Variants in MAST4 observed in about 807,000 individuals in gnomAD.
The protein encoded by MAST4 is microtubule-associated serine/threonine-protein kinase 4.
Under a neutral mutation model 162.7 loss-of-function variants are expected in MAST4, and 89 were observed. That is an observed-to-expected ratio of 0.55 (90% CI 0.46 to 0.65). The LOEUF is 0.65. MAST4 is among the 30% of genes least tolerant of loss of function. The probability of loss-of-function intolerance (pLI) is 0.00; values close to 1 mark genes in which losing one functional copy is unlikely to be tolerated. For synonymous variants in MAST4, 1,479 were observed against 1,361.1 expected (o/e 1.09, Z -1.91); for missense variants, 3,153 against 3,374.0 (o/e 0.93, Z 1.62).
Position 66,788,687 on chromosome 5 carries a change from A to C in MAST4, c.535A>C (p.Asn179His). Residue 179 changes from asparagine (N) to histidine (H), a missense_variant, in exon 3 of 29, where the codon AAC becomes CAC. Asn to His is a moderately conservative substitution (Grantham distance 68). Transcript: ENST00000403625. ...GALTGRYLLP[N>H]PVAGQAWPAS... ...TCCAACAGGGAGGTACCTTCTTCCAAACCCGGTGGCGGGACAGGCCTGGCC... is the reference window on the plus strand; with the variant it reads ...TCCAACAGGGAGGTACCTTCTTCCACACCCGGTGGCGGGACAGGCCTGGCC... 2 of 1,611,018 alleles carry C rather than the reference A, an allele frequency of 1.2e-6. No individual in the cohort carries two copies. The highest frequency in any genetic ancestry group is 8.5e-7 in the Non-Finnish European group (1 of 1,179,434).
At chr5:66,613,892 A>G (rs928385241) in intron 1 of MAST4, among the ~76,000 whole-genome samples, 1 of 152,184 alleles carries the variant, frequency 6.6e-6, no homozygotes, top group Non-Finnish European at 1.5e-5. Flanking sequence ...TAGGGGAAAA[A>G]TTCCTTCCTC....
intron 3 of MAST4, among the ~76,000 whole-genome samples, chr5:66,838,350 G>A (rs932413799): frequency 2.0e-5 from 3 of 152,022 alleles, no homozygotes; most frequent in Admixed American, 6.6e-5. Flanking sequence ...TTTTGATGAG[G>A]CAGTCAAGGA....
chr5:66,702,882 G>A (rs1749870824), intron 1 of MAST4, among the ~76,000 whole-genome samples: 1 of 152,180 alleles, frequency 6.6e-6, no homozygotes, highest in Non-Finnish European at 1.5e-5. Flanking sequence ...CACTCTGGCT[G>A]CTGTGTTGAG....
chr5:66,803,145 A>G (rs910357737), intron 3 of MAST4, among the ~76,000 whole-genome samples: 1 of 152,172 alleles, frequency 6.6e-6, no homozygotes, highest in African/African-American at 2.4e-5. Flanking sequence ...CATTGTTGTA[A>G]TAATTGAAGG....
chr5:66,959,501 A>G (rs1428076080), intron 4 of MAST4, among the ~76,000 whole-genome samples: 1 of 152,246 alleles, frequency 6.6e-6, no homozygotes, highest in Admixed American at 6.5e-5. Flanking sequence ...GAGGAAAAGC[A>G]TTGCTGCATA....
Position 66,701,818 on chromosome 5 carries a change from A to ATT in MAST4, c.364-57884_364-57883dup, listed in dbSNP as rs59684943. 4.0e-5 allele frequency among the ~76,000 whole-genome samples: 6 copies of ATT among 151,770 alleles called. 1 individual carries two copies. Among genetic ancestry groups the ATT allele is most frequent in the Admixed American group, 3.9e-4 (6 of 15,254 alleles). On this transcript the variant is annotated intron_variant, in intron 1 of 28. Transcript: ENST00000403625. ...TCATATCAACCTTATAGGTTATAGG[A>ATT]TTTTTTTTAATGAAAATTCCCTATG...
At chr5:67,142,056 C>T in intron 19 of MAST4, 59 bp from the exon 20 acceptor site, 1 of 1,538,654 alleles carries the variant, frequency 6.5e-7, no homozygotes, top group South Asian at 1.2e-5. Context: ...TGATGTTTGC[C>T]TTTGCTTAGT....
At position 67,088,493 on chromosome 5, in the gene MAST4, A is replaced by G. The variant is rs369055024; in HGVS notation, c.764-1669A>G. Among the ~76,000 whole-genome samples the G allele has an allele frequency of 7.0e-4, 106 of 152,362 alleles. No individual in the cohort carries two copies. The Middle Eastern group carries it at 0.014, about 20-fold the overall frequency. ...ATTAGATTATTTCCTTTAGGAAACA[A>G]AATTTTTAGCCATCTTGAAATTTGA... On this transcript the variant is annotated intron_variant, in intron 5 of 28. Coordinates refer to ENST00000403625, the MANE Select transcript of MAST4 (RefSeq NM_001164664.2).
chr5:66,972,858 C>T (rs763734163), intron 4 of MAST4, among the ~76,000 whole-genome samples: 1 of 152,198 alleles, frequency 6.6e-6, no homozygotes, highest in Non-Finnish European at 1.5e-5. Context: ...CCTCTAGCCT[C>T]ATTGGACTCT....
chr5:66,821,183 C>T (rs944030882), intron 3 of MAST4, among the ~76,000 whole-genome samples: 1 of 152,224 alleles, frequency 6.6e-6, no homozygotes, highest in Admixed American at 6.5e-5. Context: ...GTTAGACCCT[C>T]TCTTTTATTT....
chr5:66,622,484 G>A (rs1323972151), intron 1 of MAST4, among the ~76,000 whole-genome samples: 1 of 150,414 alleles, frequency 6.6e-6, no homozygotes, highest in Admixed American at 6.7e-5. Context: ...TAAGTAGAAG[G>A]GTGACAAGAT....
rs1327618478 is a variant in MAST4, at chr5:67,166,392, C to T, written c.7213C>T (p.Arg2405Trp). The change falls in exon 29 of 29, where the codon CGG (arginine) becomes TGG (tryptophan). Residue 2405 changes from arginine to tryptophan, a missense_variant. By Grantham distance (101) the Arg-to-Trp change is moderately radical (BLOSUM62 -3). This residue lies in a region of MAST4 where 1,644 missense variants were observed against 1,495.0 expected (regional missense o/e 1.10). Transcript: ENST00000403625. ...CGAGAACCGGTTGAAAGGCGCGGAGCGGCCAGCCGCGGGGGTGGGGAAGGG... is the reference window on the plus strand; with the variant it reads ...CGAGAACCGGTTGAAAGGCGCGGAGTGGCCAGCCGCGGGGGTGGGGAAGGG... ...HSENRLKGAE[R>W]PAAGVGKGFP... 6.2e-7 allele frequency: 1 copy of T among 1,610,182 alleles called. No homozygotes were observed. The highest frequency in any genetic ancestry group is 8.5e-7 in the Non-Finnish European group (1 of 1,178,106).
chr5:66,666,291 C>T (rs531817123), intron 1 of MAST4, among the ~76,000 whole-genome samples: 5 of 152,090 alleles, frequency 3.3e-5, no homozygotes, highest in South Asian at 4.1e-4. Flanking sequence ...CTCTTCAGAC[C>T]GCTCTCTGAT....
chr5:66,929,018 G>A (rs915667534), intron 4 of MAST4, among the ~76,000 whole-genome samples: 2 of 152,204 alleles, frequency 1.3e-5, no homozygotes, highest in Non-Finnish European at 2.9e-5. Flanking sequence ...TGGATGGATG[G>A]ATAAGAGGGG....
intron 3 of MAST4, among the ~76,000 whole-genome samples, chr5:66,831,869 AT>A (rs1757623908): frequency 6.6e-6 from 1 of 152,192 alleles, no homozygotes; most frequent in Non-Finnish European, 1.5e-5. Context: ...ACTTTGGGCA[AT>A]TTGAATTTCT....
intron 4 of MAST4, among the ~76,000 whole-genome samples, chr5:67,024,325 CTA>C (rs200083679): frequency 6.3e-5 from 9 of 142,506 alleles, no homozygotes; most frequent in African/African-American, 1.1e-4. Flanking sequence ...ATATATATAT[CTA>C]TATATATATA....
chr5:66,634,105 GCTACAGTC>G (rs1294955510), intron 1 of MAST4, among the ~76,000 whole-genome samples: 3 of 152,128 alleles, frequency 2.0e-5, no homozygotes, highest in Admixed American at 2.0e-4. Context: ...TGTTGCTTAG[GCTACAGTC>G]CAGTGGTGCA....
At chr5:66,878,470 C>A (rs1011555868) in intron 3 of MAST4, among the ~76,000 whole-genome samples, 2 of 152,188 alleles carry the variant, frequency 1.3e-5, no homozygotes, top group Admixed American at 6.5e-5. Flanking sequence ...AAATAACTCA[C>A]ACAAGATCCC....
intron 2 of MAST4, among the ~76,000 whole-genome samples, chr5:66,782,336 G>A (rs1754915489): frequency 6.6e-6 from 1 of 150,582 alleles, no homozygotes; most frequent in African/African-American, 2.4e-5. Flanking sequence ...GTCATATATA[G>A]CCTTGATAGA....
Sources: gnomAD v4.1 joint callset for allele counts (sites outside exome capture counted in the v4.1 genomes callset) on GRCh38, gnomAD v4.1.1 for gene constraint, gnomAD v4.1.1 regional missense constraint, MANE v1.5 for transcripts, NCBI Gene and HGNC (gene_info 2026-07-23, HGNC 2026-07-21) for gene names.